PRRC2A: variants seen among roughly 807,000 people sequenced by gnomAD.
PRRC2A encodes the protein proline rich coiled-coil 2A.
A neutral mutation model predicts 224.6 loss-of-function variants in PRRC2A; 59 were observed. That is an observed-to-expected ratio of 0.26 (90% confidence interval 0.21 to 0.33). The LOEUF is 0.33. PRRC2A is among the 10% of genes least tolerant of loss of function. PRRC2A has a pLI of 1.00. For synonymous variants in PRRC2A, 1,194 were observed against 1,109.5 expected (o/e 1.08, Z -1.51); for missense variants, 3,095 against 2,880.7 (o/e 1.07, Z -1.70).
chr6:31,623,269 T>C, intron 2 of PRRC2A: 1 of 466,636 alleles, frequency 2.1e-6, no homozygotes, highest in Non-Finnish European at 4.0e-6. Context: ...ATTTTTTTTT[T>C]TTTTTTTTTT....
rs964636009 is a variant in PRRC2A at position 31,631,416 on chromosome 6, C to G, written c.2743C>G (p.Pro915Ala). 5.0e-6 allele frequency: 8 copies of G among 1,609,774 alleles called. No individual in the cohort carries two copies. Among genetic ancestry groups the G allele is most frequent in the Non-Finnish European group, 6.8e-6 (8 of 1,178,848 alleles). The change falls in exon 16 of 31, where the codon CCA (proline) becomes GCA (alanine). Residue 915 changes from proline to alanine, a missense_variant. Pro to Ala is a conservative substitution (Grantham distance 27). Around this residue, in one of 8 missense-constraint regions of PRRC2A, gnomAD observed 2,001 missense variants for 1,764.9 expected, o/e 1.13. Coordinates refer to ENST00000376033, the MANE Select transcript of PRRC2A (RefSeq NM_004638.4). The surrounding 1 kb of genome is among the most constrained non-coding windows in gnomAD (Gnocchi z 4.5). ...GVGSGGQGPPPPRRESRTETR... is the reference protein window; with the variant it reads ...GVGSGGQGPPAPRRESRTETR... ...CGGGAGTGGAGGCCAGGGCCCCCCA[C>G]CACCACGCAGAGAGAGTCGCACAGA... is the stretch of plus-strand genomic sequence containing the variant.
rs151148973 is a variant in PRRC2A, at chr6:31,632,128, G to A, written c.3455G>A (p.Arg1152His). ...PGAPPSPAPA[R>H]FTARGGRVFT... ...GCCCCACCTTCACCAGCCCCAGCCC[G>A]CTTCACTGCCCGGGGTGGGCGAGTC... is the stretch of plus-strand genomic sequence containing the variant. The change falls in exon 16 of 31, where the codon CGC (arginine) becomes CAC (histidine). Residue 1152 changes from arginine (R) to histidine (H), a missense_variant. Arg to His is a conservative substitution (Grantham distance 29). Transcript: ENST00000376033. 2.1e-5 allele frequency: 33 copies of A among 1,557,198 alleles called. No individual in the cohort carries two copies. Among genetic ancestry groups the A allele is most frequent in the Middle Eastern group, 1.7e-4 (1 of 5,794 alleles).
At chr6:31,634,618 C>T in intron 20 of PRRC2A, 61 bp downstream of exon 20, 1 of 1,593,158 alleles carries the variant, frequency 6.3e-7, no homozygotes, top group South Asian at 1.1e-5. Flanking sequence ...GTCATACCCC[C>T]CACCTGCTCT....
chr6:31,634,807 G>A lies in PRRC2A; in HGVS notation c.4990G>A (p.Gly1664Ser). ...GAGTGGGGATTCTCAGGTGTCATCAGGTCCCTGCAGCCAGCGAAGTTCCCC... is the reference window on the plus strand; with the variant it reads ...GAGTGGGGATTCTCAGGTGTCATCAAGTCCCTGCAGCCAGCGAAGTTCCCC... ...DLSGDSQVSS[G>S]PCSQRSSPDG... The change falls in exon 21 of 31, where the codon GGT becomes AGT. Residue 1664 changes from glycine to serine, a missense_variant. This residue lies in a region of PRRC2A where 15 missense variants were observed against 35.3 expected (regional missense o/e 0.42). Transcript: ENST00000376033. 6.2e-7 allele frequency: 1 copy of A among 1,612,902 alleles called. No individual in the cohort carries two copies. Among genetic ancestry groups the A allele is most frequent in the South Asian group, 1.1e-5 (1 of 91,080 alleles).
chr6:31,625,058 A>G lies in PRRC2A; in HGVS notation c.464-113A>G, dbSNP rs541125471. On this transcript the variant is annotated intron_variant, in intron 5 of 30. Coordinates refer to ENST00000376033, the MANE Select transcript of PRRC2A (RefSeq NM_004638.4). The surrounding 1 kb of genome is among the most constrained non-coding windows in gnomAD (Gnocchi z 4.1). ...CGTGATCCGCCCGCCTCAGCCTCCCAGAGTGCTGGGATTACAGGCGTGAGC... is the reference window on the plus strand; with the variant it reads ...CGTGATCCGCCCGCCTCAGCCTCCCGGAGTGCTGGGATTACAGGCGTGAGC... 2.2e-4 allele frequency: 274 copies of G among 1,246,218 alleles called. 1 individual carries two copies. The East Asian group carries it at 5.9e-3, about 27-fold the overall frequency. The allele number at this position is 1,246,218 out of a possible 1,614,324, so 77.2% of individuals were successfully genotyped here.
In PRRC2A at chr6:31,629,720, G is replaced by T. The variant is rs747752054; in HGVS notation, c.2129G>T (p.Arg710Leu). Residue 710 changes from arginine (R) to leucine (L), a missense_variant, in exon 14 of 31, where the codon CGG (arginine) becomes CTG (leucine). By Grantham distance (102) the Arg-to-Leu change is moderately radical. Coordinates refer to ENST00000376033, the MANE Select transcript of PRRC2A (RefSeq NM_004638.4). Reference protein sequence around the residue: ...PKALYPGALGRPPPMPPMNFD... With the variant: ...PKALYPGALGLPPPMPPMNFD... The stretch of plus-strand genomic sequence containing the variant: ...GCCCTGTACCCAGGTGCTCTGGGCC[G>T]GCCCCCACCCATGCCCCCAATGAAC... 2 of 1,587,986 alleles carry T rather than the reference G, an allele frequency of 1.3e-6. No individual in the cohort carries two copies. Among genetic ancestry groups the T allele is most frequent in the Non-Finnish European group, 8.6e-7 (1 of 1,160,838 alleles).
chr6:31,625,353 A>G lies in PRRC2A; in HGVS notation c.607+39A>G, dbSNP rs756519300. The G allele has an allele frequency of 6.2e-7, 1 of 1,614,102 alleles. No homozygotes were observed. The highest frequency in any genetic ancestry group is 8.5e-7 in the Non-Finnish European group (1 of 1,180,004). ...TTTTGGCCAAGACATTACCTATTGC[A>G]TCTCAGAGCTAGGTGCTGGCTTATT... is the stretch of plus-strand genomic sequence containing the variant. On this transcript the variant is annotated intron_variant, in intron 6 of 30. Transcript: ENST00000376033. The surrounding 1 kb of genome is among the most constrained non-coding windows in gnomAD (Gnocchi z 4.1).
In PRRC2A at chr6:31,632,562, C is replaced by A; in HGVS notation, c.3889C>A (p.Pro1297Thr). Residue 1297 changes from proline to threonine, a missense_variant, in exon 16 of 31, where the codon CCA (proline) becomes ACA (threonine). Physicochemically the swap from Pro to Thr is conservative, Grantham distance 38. Transcript: ENST00000376033. ...EEALTTVTVAPAPRRAAAKSP... is the reference protein window; with the variant it reads ...EEALTTVTVATAPRRAAAKSP... ...GGCCCTCACAACAGTCACAGTGGCC[C>A]CAGCACCTCGCCGGGCAGCTGCCAA... 1.2e-6 allele frequency: 2 copies of A among 1,612,310 alleles called. No homozygotes were observed. The highest frequency in any genetic ancestry group is 1.7e-6 in the Non-Finnish European group (2 of 1,179,596).
Position 31,636,375 on chromosome 6 carries a change from C to G in PRRC2A, c.5791C>G (p.Pro1931Ala). ...LYPPPSFLYS[P>A]AFCPSPLPDT... ...CCCTCCACCTTCCTTCCTCTACTCT[C>G]CGGCTTTCTGCCCCAGTCCTTTGCC... Residue 1931 changes from proline to alanine, a missense_variant, in exon 26 of 31, where the codon CCG becomes GCG. This residue lies in a region of PRRC2A where 662 missense variants were observed against 609.5 expected (regional missense o/e 1.09). Transcript: ENST00000376033. This position sits in a 1 kb window ranked among gnomAD's most constrained non-coding sequence, Gnocchi z 4.3. 1 of 1,612,996 alleles carries G rather than the reference C, an allele frequency of 6.2e-7. No homozygotes were observed. Among genetic ancestry groups the G allele is most frequent in the Non-Finnish European group, 8.5e-7 (1 of 1,179,992 alleles).
chr6:31,622,729 T>C lies in PRRC2A; in HGVS notation c.-61T>C, dbSNP rs1583175460. 7.8e-7 allele frequency: 1 copy of C among 1,283,922 alleles called. No individual in the cohort carries two copies. Among genetic ancestry groups the C allele is most frequent in the East Asian group, 2.3e-5 (1 of 43,304 alleles). The allele number at this position is 1,283,922 out of a possible 1,614,324, so 79.5% of individuals were successfully genotyped here. A position where few individuals can be genotyped will look rare whatever the true frequency, so the allele number is the denominator to read the frequency against. On this transcript the variant is annotated 5_prime_UTR_variant, in exon 2 of 31. Transcript: ENST00000376033. ...GACACTTGCTGTCTGGCCCACAGGCTCTGGCACGTTTTGGGGGAGGTGCCT... is the reference window on the plus strand; with the variant it reads ...GACACTTGCTGTCTGGCCCACAGGCCCTGGCACGTTTTGGGGGAGGTGCCT...
Position 31,625,962 on chromosome 6 carries a change from A to G in PRRC2A, c.840-58A>G. ...TTCTAGCCAGGAGGCTCAGTCTAGG[A>G]TCAGTCTCGCATGTGGTTATACAAC... On this transcript the variant is annotated intron_variant, in intron 8 of 30. Coordinates refer to ENST00000376033, the MANE Select transcript of PRRC2A (RefSeq NM_004638.4). This position sits in a 1 kb window ranked among gnomAD's most constrained non-coding sequence, Gnocchi z 4.1. 1 of 1,600,586 alleles carries G rather than the reference A, an allele frequency of 6.2e-7. No homozygotes were observed. Among genetic ancestry groups the G allele is most frequent in the Non-Finnish European group, 8.5e-7 (1 of 1,171,436 alleles).
rs372406323 is a variant in PRRC2A, at chr6:31,629,733, G to A, written c.2142G>A (p.Met714Ile). 1.9e-6 allele frequency: 3 copies of A among 1,606,580 alleles called. No individual in the cohort carries two copies. Among genetic ancestry groups the A allele is most frequent in the South Asian group, 1.1e-5 (1 of 90,644 alleles). ...GTGCTCTGGGCCGGCCCCCACCCAT[G>A]CCCCCAATGAACTTTGATCCCCGAT... The part of the protein sequence containing the change: ...YPGALGRPPP[M>I]PPMNFDPRWM... The change falls in exon 14 of 31, where the codon ATG (methionine) becomes ATA (isoleucine). Residue 714 changes from methionine (M) to isoleucine (I), a missense_variant. Coordinates refer to ENST00000376033, the MANE Select transcript of PRRC2A (RefSeq NM_004638.4).
At chr6:31,633,014 T>A (rs1420621326) in intron 16 of PRRC2A, 22 bp downstream of exon 16, 1 of 1,492,670 alleles carries the variant, frequency 6.7e-7, no homozygotes, top group African/African-American at 1.4e-5. Flanking sequence ...CAAACAAATT[T>A]ATTGTGGTTT....
chr6:31,624,665 C>T, intron 5 of PRRC2A, 143 bp downstream of exon 5: 1 of 921,132 alleles, frequency 1.1e-6, no homozygotes, highest in Non-Finnish European at 1.7e-6. Flanking sequence ...GGCACATGAG[C>T]AAGTTTAAGT....
Position 31,632,080 on chromosome 6 carries a change from C to A in PRRC2A, c.3407C>A (p.Pro1136His). ...AAGGAGGGAACACTCACCCAGGTCC[C>A]TCTCGCTCCCCCACCACCAGGAGCC... ...TPKEGTLTQVPLAPPPPGAPP... is the reference protein window; with the variant it reads ...TPKEGTLTQVHLAPPPPGAPP... Residue 1136 changes from proline to histidine, a missense_variant, in exon 16 of 31, where the codon CCT becomes CAT. By Grantham distance (77) the Pro-to-His change is moderately conservative. Coordinates refer to ENST00000376033, the MANE Select transcript of PRRC2A (RefSeq NM_004638.4). 1 of 1,554,880 alleles carries A rather than the reference C, an allele frequency of 6.4e-7. No individual in the cohort carries two copies. Among genetic ancestry groups the A allele is most frequent in the Non-Finnish European group, 8.7e-7 (1 of 1,149,366 alleles).
At chr6:31,623,679 A>G (rs1372398571) in intron 2 of PRRC2A, 53 bp from the exon 3 acceptor site, 4 of 1,580,766 alleles carry the variant, frequency 2.5e-6, no homozygotes, top group Non-Finnish European at 3.5e-6. Context: ...ATAGGAGGCC[A>G]TCAGATCTCC....
rs887237566 is a variant in PRRC2A, at chr6:31,624,951, A to G, written c.464-220A>G. 17 of 589,290 alleles carry G rather than the reference A, an allele frequency of 2.9e-5. No homozygotes were observed. The African/African-American group carries it at 3.0e-4, about 10-fold the overall frequency. The allele number at this position is 589,290 out of a possible 1,614,324, so 36.5% of individuals were successfully genotyped here. Reference sequence around the variant, plus strand: ...GTAGCGGGACTACAGGCACACGCCAACACACCCAGCTAATTTTTTGTGTGT... The same window carrying G: ...GTAGCGGGACTACAGGCACACGCCAGCACACCCAGCTAATTTTTTGTGTGT... On this transcript the variant is annotated intron_variant, in intron 5 of 30. Coordinates refer to ENST00000376033, the MANE Select transcript of PRRC2A (RefSeq NM_004638.4).
chr6:31,627,590 A>G lies in PRRC2A; in HGVS notation c.1291-175A>G, dbSNP rs1776055019. On this transcript the variant is annotated intron_variant, in intron 11 of 30. Coordinates refer to ENST00000376033, the MANE Select transcript of PRRC2A (RefSeq NM_004638.4). This position sits in a 1 kb window ranked among gnomAD's most constrained non-coding sequence, Gnocchi z 5.6. ...TCAAGACCAGCCTGGGCAACATAGCAAGACGTGGTCTCAAAGAAGACCAGG... is the reference window on the plus strand; with the variant it reads ...TCAAGACCAGCCTGGGCAACATAGCGAGACGTGGTCTCAAAGAAGACCAGG... 6.6e-6 allele frequency among the ~76,000 whole-genome samples: 1 copy of G among 152,220 alleles called. No individual in the cohort carries two copies. The highest frequency in any genetic ancestry group is 2.4e-5 in the African/African-American group (1 of 41,456).
chr6:31,631,168 C>T lies in PRRC2A; in HGVS notation c.2495C>T (p.Pro832Leu). 4 of 1,551,816 alleles carry T rather than the reference C, an allele frequency of 2.6e-6. No individual in the cohort carries two copies. Among genetic ancestry groups the T allele is most frequent in the Non-Finnish European group, 3.5e-6 (4 of 1,149,286 alleles). ...GAGACTCCTCCAGTACCTCCCCCAC[C>T]ACCCTATCTGGCCAGTTATCCAGGC... ...RSETPPVPPP[P>L]PYLASYPGFP... The change falls in exon 16 of 31, where the codon CCA becomes CTA. Residue 832 changes from proline to leucine, a missense_variant. Around this residue, in one of 8 missense-constraint regions of PRRC2A, gnomAD observed 2,001 missense variants for 1,764.9 expected, o/e 1.13. Transcript: ENST00000376033. This position sits in a 1 kb window ranked among gnomAD's most constrained non-coding sequence, Gnocchi z 4.5.
Sources: allele counts gnomAD v4.1 joint callset (sites outside exome capture counted in the v4.1 genomes callset), GRCh38; gene constraint gnomAD v4.1.1; regional missense constraint gnomAD v4.1.1; non-coding constraint Gnocchi (gnomAD v3.1); transcripts MANE v1.5; gene names NCBI Gene and HGNC (gene_info 2026-07-23, HGNC 2026-07-21).